CCDC171: variants seen among roughly 807,000 people sequenced by gnomAD.
CCDC171 encodes the protein coiled-coil domain-containing protein 171.
Under a neutral mutation model 168.2 loss-of-function variants are expected in CCDC171, and 177 were observed. The observed-to-expected ratio is 1.05, with a 90% CI of 0.93 to 1.19. The LOEUF is 1.19. Among genes scored for constraint, CCDC171 ranks in the 50% most tolerant of loss-of-function variants. The pLI is 0.00. For synonymous variants in CCDC171, 687 were observed against 540.8 expected (o/e 1.27, Z -3.75); for missense variants, 1,991 against 1,539.0 (o/e 1.29, Z -4.91).
chr9:15,666,438 G>A (rs965231841), intron 9 of CCDC171, 115 bp downstream of exon 9: 26 of 668,872 alleles, frequency 3.9e-5, no homozygotes, highest in Non-Finnish European at 5.8e-5. Flanking sequence ...GTCAGTGGTA[G>A]ACTGGGGCAA....
intron 6 of CCDC171, among the ~76,000 whole-genome samples, chr9:15,601,483 T>G (rs1009735878): frequency 6.6e-6 from 1 of 152,202 alleles, no homozygotes; most frequent in Non-Finnish European, 1.5e-5. Flanking sequence ...GTATTCTGTT[T>G]GTAGTTTGTG....
intron 4 of CCDC171, among the ~76,000 whole-genome samples, chr9:15,583,859 A>C (rs1353220941): frequency 6.6e-6 from 1 of 152,092 alleles, no homozygotes; most frequent in African/African-American, 2.4e-5. Flanking sequence ...AGAAATGTTA[A>C]GATATAATTT....
intron 24 of CCDC171, among the ~76,000 whole-genome samples, chr9:15,897,767 C>G (rs1482143943): frequency 6.6e-6 from 1 of 152,154 alleles, no homozygotes; most frequent in Non-Finnish European, 1.5e-5. Context: ...TAGCTGTGCA[C>G]TTTATGAAAC....
intron 25 of CCDC171, among the ~76,000 whole-genome samples, chr9:15,971,000 TAAAA>T (rs1831310109): frequency 1.3e-5 from 2 of 152,002 alleles, no homozygotes; most frequent in African/African-American, 4.8e-5. Context: ...CCCCTGAACC[TAAAA>T]TAATAAAGTT....
the CCDC171 span, among the ~76,000 whole-genome samples, chr9:16,084,259 C>T: frequency 6.6e-6 from 1 of 152,164 alleles, no homozygotes; most frequent in Non-Finnish European, 1.5e-5. Flanking sequence ...TGCTCCCTAT[C>T]CTCAGCTCCT....
At chr9:15,864,554 A>T (rs965425605) in intron 23 of CCDC171, among the ~76,000 whole-genome samples, 1 of 152,014 alleles carries the variant, frequency 6.6e-6, no homozygotes, top group Non-Finnish European at 1.5e-5. Context: ...GAGTGAGAAC[A>T]TGCGGTGTTT....
At chr9:15,906,008 C>A (rs1235298547) in intron 24 of CCDC171, among the ~76,000 whole-genome samples, 1 of 152,106 alleles carries the variant, frequency 6.6e-6, no homozygotes, top group African/African-American at 2.4e-5. Flanking sequence ...CAATAACAGG[C>A]TCTGAAATTG....
At chr9:15,713,981 G>A (rs906981046) in intron 11 of CCDC171, among the ~76,000 whole-genome samples, 2 of 151,792 alleles carry the variant, frequency 1.3e-5, no homozygotes, top group Non-Finnish European at 2.9e-5. Flanking sequence ...TTACTAAGGG[G>A]GTAGAATGAA....
At chr9:16,104,452 T>C in the CCDC171 span, among the ~76,000 whole-genome samples, 1 of 152,194 alleles carries the variant, frequency 6.6e-6, no homozygotes, top group Non-Finnish European at 1.5e-5. Flanking sequence ...TTGGCTGTAC[T>C]TTTTGGCCTT....
chr9:15,779,155 G>A lies in CCDC171; in HGVS notation c.3081+5G>A. On this transcript the variant is annotated splice_donor_5th_base_variant and intron_variant, in intron 20 of 25. Transcript: ENST00000380701. ...TTAAATGAATTTAAGCAGTCTGTAAGTATATATCATTTAGGAAACTGTTGC... is the reference window on the plus strand; with the variant it reads ...TTAAATGAATTTAAGCAGTCTGTAAATATATATCATTTAGGAAACTGTTGC... The A allele has an allele frequency of 2.0e-6, 3 of 1,484,234 alleles. No individual in the cohort carries two copies. Among genetic ancestry groups the A allele is most frequent in the Non-Finnish European group, 2.7e-6 (3 of 1,111,234 alleles). 91.9% of individuals were successfully genotyped at this position (1,484,234 alleles called of 1,614,324 possible). A position where few individuals can be genotyped will look rare whatever the true frequency, so the allele number is the denominator to read the frequency against.
chr9:15,593,433 G>C (rs2042133375), intron 5 of CCDC171, among the ~76,000 whole-genome samples: 1 of 152,066 alleles, frequency 6.6e-6, no homozygotes, highest in South Asian at 2.1e-4. Context: ...TTTATCTATA[G>C]AACTAGAAAT....
At chr9:15,825,547 G>A (rs930649666) in intron 21 of CCDC171, among the ~76,000 whole-genome samples, 16 of 152,234 alleles carry the variant, frequency 1.1e-4, no homozygotes, top group African/African-American at 3.6e-4. Flanking sequence ...GAAAGTTTTG[G>A]AGTCAGAACT....
At chr9:15,674,648 G>C (rs1004673339) in intron 9 of CCDC171, among the ~76,000 whole-genome samples, 1 of 152,172 alleles carries the variant, frequency 6.6e-6, no homozygotes, top group Non-Finnish European at 1.5e-5. Context: ...AGGTTGTTCA[G>C]TTTCCATGTA....
At position 15,746,182 on chromosome 9, in the gene CCDC171, A is replaced by G. The variant is rs962922111; in HGVS notation, c.2671+551A>G. ...TTTTTTATGATTCGGATTGCATGATATTTTGTCTGACAGGTTCAATGAAAA... is the reference window on the plus strand; with the variant it reads ...TTTTTTATGATTCGGATTGCATGATGTTTTGTCTGACAGGTTCAATGAAAA... On this transcript the variant is annotated intron_variant, in intron 18 of 25. Coordinates refer to ENST00000380701, the MANE Select transcript of CCDC171 (RefSeq NM_173550.4). Among the ~76,000 whole-genome samples, 7 of 152,152 alleles carry G rather than the reference A, an allele frequency of 4.6e-5. No individual in the cohort carries two copies. In the East Asian group the frequency reaches 1.2e-3, roughly 25 times the overall value.
At chr9:15,837,666 G>T (rs1034835274) in intron 21 of CCDC171, among the ~76,000 whole-genome samples, 2 of 152,122 alleles carry the variant, frequency 1.3e-5, no homozygotes, top group South Asian at 4.1e-4. Context: ...GCTGAAACTG[G>T]TTGATTTAGT....
chr9:15,719,436 GAGA>G (rs2053319224), intron 11 of CCDC171, among the ~76,000 whole-genome samples: 1 of 141,876 alleles, frequency 7.0e-6, no homozygotes, highest in Non-Finnish European at 1.5e-5. Context: ...GAGAGAGAGA[GAGA>G]GAGAGAGAAA....
chr9:15,557,220 G>C (rs913410716), intron 1 of CCDC171, among the ~76,000 whole-genome samples: 23 of 152,106 alleles, frequency 1.5e-4, no homozygotes, highest in Non-Finnish European at 3.4e-4. Flanking sequence ...TCTTGGCAAT[G>C]TGGGCTCTTT....
intron 7 of CCDC171, among the ~76,000 whole-genome samples, chr9:15,626,113 G>T (rs1449616735): frequency 1.3e-5 from 2 of 150,600 alleles, no homozygotes; most frequent in African/African-American, 4.9e-5. Flanking sequence ...TGATATGGCT[G>T]TTTGTCTCAT....
intron 24 of CCDC171, among the ~76,000 whole-genome samples, chr9:15,915,513 G>C (rs554893716): frequency 1.3e-5 from 2 of 151,910 alleles, no homozygotes; most frequent in African/African-American, 4.8e-5. Context: ...AGTGTTTTTT[G>C]GTGGGTTCTT....
Sources: allele counts gnomAD v4.1 joint callset (sites outside exome capture counted in the v4.1 genomes callset), GRCh38; gene constraint gnomAD v4.1.1; transcripts MANE v1.5; gene names NCBI Gene and HGNC (gene_info 2026-07-23, HGNC 2026-07-21).